UGT2B28: variants seen among roughly 807,000 people sequenced by gnomAD.
UGT2B28 encodes the protein UDP glucuronosyltransferase family 2 member B28, also known as UDP-glucuronosyltransferase 2B28.
A neutral mutation model predicts 43.6 loss-of-function variants in UGT2B28; 45 were observed. That is an observed-to-expected ratio of 1.03 (90% CI 0.81 to 1.32). The LOEUF is 1.32. UGT2B28 is among the 40% of genes most tolerant of loss of function. The pLI is 0.00. For missense variants in UGT2B28, 649 were observed against 625.5 expected, an observed-to-expected ratio of 1.04 and a Z score of -0.40; for synonymous variants, 204 against 208.1, an observed-to-expected ratio of 0.98 and a Z score of 0.17.
chr4:69,294,529 G>T lies in UGT2B28; in HGVS notation c.1311-1G>T. ...TTGGTATCTTTATTTTTATCCTTCA[G>T]ATATAAAGAGAATGTTATGAAATTA... On this transcript the variant is annotated splice_acceptor_variant, in intron 5 of 5. Coordinates refer to ENST00000335568, the MANE Select transcript of UGT2B28 (RefSeq NM_053039.2). LOFTEE classifies it high-confidence loss of function. 1 of 1,537,148 alleles carries T rather than the reference G, an allele frequency of 6.5e-7. No homozygotes were observed. Among genetic ancestry groups the T allele is most frequent in the Non-Finnish European group, 8.7e-7 (1 of 1,144,926 alleles).
chr4:69,289,601 G>C, intron 3 of UGT2B28, 64 bp from the exon 4 acceptor site: 3 of 1,399,882 alleles, frequency 2.1e-6, no homozygotes, highest in Non-Finnish European at 2.9e-6. Context: ...CCTTTTTACA[G>C]TTCTAACATT....
intron 5 of UGT2B28, among the ~76,000 whole-genome samples, chr4:69,294,139 G>T (rs1724032454): frequency 7.2e-6 from 1 of 139,360 alleles, no homozygotes; most frequent in Non-Finnish European, 1.5e-5. Context: ...ATGCTTAAAG[G>T]ATGAATATCC....
chr4:69,284,191 C>A lies in UGT2B28; in HGVS notation c.870+1529C>A, dbSNP rs1231410445. On this transcript the variant is annotated intron_variant, in intron 2 of 5. Transcript: ENST00000335568. Reference sequence around the variant, plus strand: ...GACAGAGAAGCACAGAGATAGTGAACAATGCATGTATAATAAAGAACAAAT... The same window carrying A: ...GACAGAGAAGCACAGAGATAGTGAAAAATGCATGTATAATAAAGAACAAAT... 2.1e-5 allele frequency among the ~76,000 whole-genome samples: 3 copies of A among 139,722 alleles called. 1 individual carries two copies. Among genetic ancestry groups the A allele is most frequent in the Non-Finnish European group, 4.6e-5 (3 of 65,492 alleles). 91.7% of individuals were successfully genotyped at this position (139,722 alleles called of 152,430 possible). A position where few individuals can be genotyped will look rare whatever the true frequency, so the allele number is the denominator to read the frequency against.
In UGT2B28 at chr4:69,282,690, T is replaced by C. The variant is rs538547702; in HGVS notation, c.870+28T>C. ...AAACATACTTTCGTTGGTTTTATTT[T>C]GTTGGCTTCGAAGTTTCAGTAGAAA... On this transcript the variant is annotated intron_variant, in intron 2 of 5. Coordinates refer to ENST00000335568, the MANE Select transcript of UGT2B28 (RefSeq NM_053039.2). The C allele has an allele frequency of 6.4e-5, 99 of 1,537,586 alleles. 17 individuals are homozygous for C. The South Asian group carries it at 1.2e-3, about 18-fold the overall frequency.
At chr4:69,284,584 A>C (rs1431652281) in intron 2 of UGT2B28, among the ~76,000 whole-genome samples, 1 of 139,788 alleles carries the variant, frequency 7.2e-6, no homozygotes, top group Admixed American at 7.2e-5. Flanking sequence ...CATTCACATT[A>C]AGGGAAACTG....
Position 69,284,429 on chromosome 4 carries a change from T to G in UGT2B28, c.870+1767T>G, listed in dbSNP as rs535644589. Among the ~76,000 whole-genome samples, 400 of 140,798 alleles carry G rather than the reference T, an allele frequency of 2.8e-3. 80 individuals are homozygous for G. The highest frequency in any genetic ancestry group is 9.1e-3 in the African/African-American group (329 of 36,112). The allele number at this position is 140,798 out of a possible 152,430, so 92.4% of individuals were successfully genotyped here. On this transcript the variant is annotated intron_variant, in intron 2 of 5. Transcript: ENST00000335568. ...AACATTTTTGCTTACATAAAACTGA[T>G]ATTTTATTCCATTGTTAAAACTCAG...
At position 69,289,753 on chromosome 4, in the gene UGT2B28, G is replaced by A; in HGVS notation, c.1090+1G>A. 1 of 1,545,700 alleles carries A rather than the reference G, an allele frequency of 6.5e-7. No individual in the cohort carries two copies. The highest frequency in any genetic ancestry group is 1.8e-4 in the Middle Eastern group (1 of 5,592). ...TGGATACCCCAGAATGACCTTCTAGGTAACACTCTGGTGAACAAATACTGG... is the reference window on the plus strand; with the variant it reads ...TGGATACCCCAGAATGACCTTCTAGATAACACTCTGGTGAACAAATACTGG... On this transcript the variant is annotated splice_donor_variant, in intron 4 of 5. Transcript: ENST00000335568. LOFTEE classifies it high-confidence loss of function.
intron 2 of UGT2B28, 79 bp downstream of exon 2, chr4:69,282,741 G>A: frequency 6.7e-7 from 1 of 1,487,880 alleles, no homozygotes; most frequent in Non-Finnish European, 8.9e-7. Context: ...CATTCAAAAT[G>A]TTTGACTTAC....
chr4:69,292,990 G>T (rs1723996851), intron 5 of UGT2B28, among the ~76,000 whole-genome samples: 1 of 140,198 alleles, frequency 7.1e-6, no homozygotes, highest in East Asian at 2.0e-4. Context: ...TAAATCTAAT[G>T]CTGTATAGCA....
At chr4:69,288,038 C>T (rs1723829829) in intron 3 of UGT2B28, among the ~76,000 whole-genome samples, 1 of 139,584 alleles carries the variant, frequency 7.2e-6, no homozygotes, top group African/African-American at 2.8e-5. Context: ...AGCTTTGTAG[C>T]ACGTTGTCTA....
chr4:69,287,277 C>A (rs1723807213), intron 3 of UGT2B28, among the ~76,000 whole-genome samples: 1 of 140,584 alleles, frequency 7.1e-6, no homozygotes, highest in Non-Finnish European at 1.5e-5. Flanking sequence ...AGATGACTTT[C>A]AAGTGTTTTC....
chr4:69,282,748 T>A, intron 2 of UGT2B28, 86 bp downstream of exon 2: 1 of 1,477,522 alleles, frequency 6.8e-7, no homozygotes, highest in African/African-American at 1.6e-5. Context: ...AATGTTTGAC[T>A]TACACTGAAA....
rs568174390 is a variant in UGT2B28, at chr4:69,288,356, G to A, written c.1003-1309G>A. Among the ~76,000 whole-genome samples the A allele has an allele frequency of 2.9e-5, 4 of 138,526 alleles. No individual in the cohort carries two copies. In the South Asian group the frequency reaches 7.2e-4, roughly 25 times the overall value. The allele number at this position is 138,526 out of a possible 152,430, so 90.9% of individuals were successfully genotyped here. A position where few individuals can be genotyped will look rare whatever the true frequency, so the allele number is the denominator to read the frequency against. On this transcript the variant is annotated intron_variant, in intron 3 of 5. Coordinates refer to ENST00000335568, the MANE Select transcript of UGT2B28 (RefSeq NM_053039.2). The stretch of plus-strand genomic sequence containing the variant: ...TATTTTGTCAATCAAAGGACAACAG[G>A]CTCTAATATAATAACCTACCGACAA...
rs536605578 is a variant in UGT2B28, at chr4:69,291,966, G to A, written c.1310+1155G>A. 1.1e-4 allele frequency among the ~76,000 whole-genome samples: 15 copies of A among 140,150 alleles called. 2 individuals carry two copies. The highest frequency in any genetic ancestry group is 2.4e-4 in the South Asian group (1 of 4,138). 91.9% of individuals were successfully genotyped at this position (140,150 alleles called of 152,430 possible). A position where few individuals can be genotyped will look rare whatever the true frequency, so the allele number is the denominator to read the frequency against. On this transcript the variant is annotated intron_variant, in intron 5 of 5. Transcript: ENST00000335568. ...CTTGGATTGCATTTTCATTACTGCT[G>A]AAGATGTTGAGAACATTTATAAGTG...
chr4:69,293,947 C>T (rs4568294), intron 5 of UGT2B28, among the ~76,000 whole-genome samples: 64,053 of 138,344 alleles, frequency 0.46, 20,420 homozygotes, highest in Non-Finnish European at 0.53. Context: ...AGTGACAAGC[C>T]ATGAGGTATG....
chr4:69,283,705 T>A (rs1363670702), intron 2 of UGT2B28, among the ~76,000 whole-genome samples: 1 of 140,822 alleles, frequency 7.1e-6, no homozygotes, highest in Non-Finnish European at 1.5e-5. Flanking sequence ...GTTATTTTGT[T>A]ATTATTACCA....
Position 69,280,600 on chromosome 4 carries a change from A to C in UGT2B28, c.100A>C (p.Ser34Arg). 6.4e-7 allele frequency: 1 copy of C among 1,560,776 alleles called. No individual in the cohort carries two copies. Among genetic ancestry groups the C allele is most frequent in the Non-Finnish European group, 8.7e-7 (1 of 1,155,882 alleles). The change falls in exon 1 of 6, where the codon AGC (serine) becomes CGC (arginine). Residue 34 changes from serine (S) to arginine (R), a missense_variant. Transcript: ENST00000335568. Reference protein sequence around the residue: ...GKVLVWTGEYSHWMNMKTILK... With the variant: ...GKVLVWTGEYRHWMNMKTILK... ...GGTGCTGGTGTGGACCGGTGAATACAGCCATTGGATGAATATGAAGACAAT... is the reference window on the plus strand; with the variant it reads ...GGTGCTGGTGTGGACCGGTGAATACCGCCATTGGATGAATATGAAGACAAT...
rs1577991889 is a variant in UGT2B28, at chr4:69,282,669, A to G, written c.870+7A>G. 10 of 1,542,526 alleles carry G rather than the reference A, an allele frequency of 6.5e-6. 4 individuals carry two copies. In the East Asian group the frequency reaches 2.3e-4, roughly 36 times the overall value. Reference sequence around the variant, plus strand: ...TGCCAAACCCCTACCTAAGGTAAACATACTTTCGTTGGTTTTATTTTGTTG... The same window carrying G: ...TGCCAAACCCCTACCTAAGGTAAACGTACTTTCGTTGGTTTTATTTTGTTG... On this transcript the variant is annotated splice_region_variant and intron_variant, in intron 2 of 5. Coordinates refer to ENST00000335568, the MANE Select transcript of UGT2B28 (RefSeq NM_053039.2).
Position 69,283,527 on chromosome 4 carries a change from T to C in UGT2B28, c.870+865T>C, listed in dbSNP as rs1228976057. On this transcript the variant is annotated intron_variant, in intron 2 of 5. Transcript: ENST00000335568. Reference sequence around the variant, plus strand: ...TTCCATGGATTCAGGTAGAAGATGATGGAAAAGTGGACTAGAAAGTTGATA... The same window carrying C: ...TTCCATGGATTCAGGTAGAAGATGACGGAAAAGTGGACTAGAAAGTTGATA... Among the ~76,000 whole-genome samples, 2 of 140,074 alleles carry C rather than the reference T, an allele frequency of 1.4e-5. 1 individual carries two copies. Among genetic ancestry groups the C allele is most frequent in the Non-Finnish European group, 3.1e-5 (2 of 65,536 alleles). The allele number at this position is 140,074 out of a possible 152,430, so 91.9% of individuals were successfully genotyped here.
Sources: allele counts gnomAD v4.1 joint callset (sites outside exome capture counted in the v4.1 genomes callset), GRCh38; gene constraint gnomAD v4.1.1; transcripts MANE v1.5; gene names NCBI Gene and HGNC (gene_info 2026-07-23, HGNC 2026-07-21).